Variants in SBF2 observed in about 807,000 individuals in gnomAD.
SBF2 encodes myotubularin-related protein 13.
SBF2 carries 112 observed loss-of-function variants against 225.2 expected under a neutral mutation model. The observed-to-expected ratio is 0.50, with a 90% confidence interval of 0.43 to 0.58. The LOEUF is 0.58. SBF2 is among the 20% of genes least tolerant of loss of function. The pLI is 0.00. For missense variants in SBF2, 1,996 were observed against 2,206.2 expected (o/e 0.90, Z 1.91); for synonymous variants, 763 against 773.3 (o/e 0.99, Z 0.22).
intron 2 of SBF2, among the ~76,000 whole-genome samples, chr11:10,184,276 T>C (rs1218514748): frequency 6.6e-6 from 1 of 152,224 alleles, no homozygotes; most frequent in East Asian, 1.9e-4. Context: ...CTTAAGCTAA[T>C]ACCATACTGT....
At chr11:9,949,843 A>G (rs1452186165) in intron 16 of SBF2, among the ~76,000 whole-genome samples, 2 of 152,298 alleles carry the variant, frequency 1.3e-5, no homozygotes, top group East Asian at 3.9e-4. Context: ...CACCATTTAC[A>G]TAAATTAAAA....
intron 1 of SBF2, among the ~76,000 whole-genome samples, chr11:10,273,273 AT>A (rs1962685838): frequency 6.6e-6 from 1 of 152,190 alleles, no homozygotes; most frequent in Non-Finnish European, 1.5e-5. Context: ...TTCAGAAATC[AT>A]TACTTCAACT....
At chr11:10,059,417 C>T (rs561198331) in intron 2 of SBF2, among the ~76,000 whole-genome samples, 3 of 152,096 alleles carry the variant, frequency 2.0e-5, no homozygotes, top group Admixed American at 1.3e-4. Context: ...CAAGAAATAG[C>T]AATACATAAT....
chr11:10,291,597 G>T (rs1368307925), intron 1 of SBF2, among the ~76,000 whole-genome samples: 6 of 151,806 alleles, frequency 4.0e-5, no homozygotes, highest in Non-Finnish European at 7.4e-5. Context: ...CTTCGGGCAG[G>T]TGGGCTAGTG....
chr11:10,145,742 G>A (rs898482728), intron 2 of SBF2, among the ~76,000 whole-genome samples: 2 of 152,090 alleles, frequency 1.3e-5, no homozygotes, highest in African/African-American at 2.4e-5. Context: ...CTATACTAAT[G>A]TCACAAATAC....
intron 2 of SBF2, among the ~76,000 whole-genome samples, chr11:10,152,277 G>C (rs977347383): frequency 2.0e-5 from 3 of 152,128 alleles, no homozygotes; most frequent in Non-Finnish European, 4.4e-5. Context: ...TAGGCCGGGA[G>C]CGGTGGCTCA....
intron 2 of SBF2, among the ~76,000 whole-genome samples, chr11:10,142,243 A>T (rs892277681): frequency 4.6e-5 from 7 of 152,206 alleles, no homozygotes; most frequent in Non-Finnish European, 1.0e-4. Context: ...TGCATCTGTC[A>T]TTTAGAGGTA....
At chr11:10,122,208 T>C (rs1484604656) in intron 2 of SBF2, among the ~76,000 whole-genome samples, 8 of 152,228 alleles carry the variant, frequency 5.3e-5, no homozygotes, top group Non-Finnish European at 7.3e-5. Context: ...TTCATGCTAA[T>C]GTTGCTGTCA....
In SBF2 at chr11:9,883,484, C is replaced by T. The variant is rs763968142; in HGVS notation, c.1929+12459G>A. 3.1e-4 allele frequency among the ~76,000 whole-genome samples: 47 copies of T among 152,274 alleles called. No individual in the cohort carries two copies. In the Middle Eastern group the frequency reaches 0.01, roughly 33 times the overall value. ...TGACTGATGGTTAAGGGAATAGGTT[C>T]TGAAATCAGACTAACTCTCAAGGTT... On this transcript the variant is annotated intron_variant, in intron 17 of 39. Transcript: ENST00000256190.
chr11:10,261,904 T>G (rs1312148805), intron 1 of SBF2, among the ~76,000 whole-genome samples: 2 of 152,176 alleles, frequency 1.3e-5, no homozygotes, highest in Admixed American at 6.5e-5. Flanking sequence ...TCTATGATGT[T>G]CTAGAATAGG....
chr11:10,060,869 A>G (rs1033491352), intron 2 of SBF2, among the ~76,000 whole-genome samples: 3 of 152,124 alleles, frequency 2.0e-5, no homozygotes, highest in African/African-American at 7.2e-5. Flanking sequence ...TCTACTAAAA[A>G]TACAAAAAAT....
chr11:10,177,774 A>T (rs911712781), intron 2 of SBF2, among the ~76,000 whole-genome samples: 2 of 150,716 alleles, frequency 1.3e-5, no homozygotes, highest in African/African-American at 4.9e-5. Flanking sequence ...TGCCCAAGGT[A>T]ATTTACAGAT....
intron 2 of SBF2, among the ~76,000 whole-genome samples, chr11:10,138,984 CA>C (rs1342685038): frequency 2.6e-5 from 4 of 152,230 alleles, no homozygotes; most frequent in African/African-American, 9.6e-5. Flanking sequence ...ATTTGCCCAT[CA>C]ACTGGACTCT....
At chr11:10,277,118 G>A (rs576517164) in intron 1 of SBF2, among the ~76,000 whole-genome samples, 2 of 124,138 alleles carry the variant, frequency 1.6e-5, no homozygotes, top group South Asian at 2.6e-4. Context: ...GGGCAACAGA[G>A]CGAGACCCCA....
At chr11:10,206,356 G>T (rs1338674150) in intron 1 of SBF2, among the ~76,000 whole-genome samples, 4 of 151,896 alleles carry the variant, frequency 2.6e-5, no homozygotes, top group Non-Finnish European at 4.4e-5. Flanking sequence ...AAATTAAACT[G>T]CCACTGGAAC....
At chr11:9,983,663 C>T (rs1466277567) in intron 13 of SBF2, among the ~76,000 whole-genome samples, 6 of 152,180 alleles carry the variant, frequency 3.9e-5, no homozygotes, top group Admixed American at 3.9e-4. Flanking sequence ...GCTAAGGGCC[C>T]TCATGGAGCT....
intron 1 of SBF2, among the ~76,000 whole-genome samples, chr11:10,284,332 C>A (rs1402827714): frequency 6.6e-6 from 1 of 152,052 alleles, no homozygotes; most frequent in Non-Finnish European, 1.5e-5. Context: ...ATATATGTAT[C>A]CACCACCCAG....
intron 2 of SBF2, among the ~76,000 whole-genome samples, chr11:10,171,247 C>G (rs1161941429): frequency 6.6e-6 from 1 of 152,058 alleles, no homozygotes; most frequent in Non-Finnish European, 1.5e-5. Flanking sequence ...TCAGTTTTCC[C>G]CCCATTCATA....
chr11:10,185,730 G>T (rs533121152), intron 2 of SBF2, among the ~76,000 whole-genome samples: 1 of 150,650 alleles, frequency 6.6e-6, no homozygotes, highest in Non-Finnish European at 1.5e-5. Flanking sequence ...TCGTGTGCTT[G>T]TAGATCTCCT....
Sources: allele counts gnomAD v4.1 joint callset (sites outside exome capture counted in the v4.1 genomes callset), GRCh38; gene constraint gnomAD v4.1.1; transcripts MANE v1.5; gene names NCBI Gene and HGNC (gene_info 2026-07-23, HGNC 2026-07-21).